The following TMPRSS6 variants were observed in gnomAD, a reference collection of about 807,000 sequenced individuals.
The protein encoded by TMPRSS6 is transmembrane protease serine 6.
TMPRSS6 carries 67 observed loss-of-function variants against 101.5 expected under a neutral mutation model. That is an observed-to-expected ratio of 0.66 (90% CI 0.54 to 0.81). The LOEUF is 0.81. TMPRSS6 is among the 30% of genes least tolerant of loss of function. The probability of loss-of-function intolerance (pLI) is 0.00; values close to 1 mark genes in which losing one functional copy is unlikely to be tolerated. For synonymous variants in TMPRSS6, 453 were observed against 464.9 expected (o/e 0.97, Z 0.33); for missense variants, 1,034 against 1,088.7 (o/e 0.95, Z 0.71).
At chr22:37,072,862 GATGGATGATGC>G (rs1489367509) in intron 13 of TMPRSS6, among the ~76,000 whole-genome samples, 18 of 145,136 alleles carry the variant, frequency 1.2e-4, no homozygotes, top group African/African-American at 4.2e-4. Flanking sequence ...ATGGATGATG[GATGGATGATGC>G]ATGGATGATG....
chr22:37,067,496 A>G (rs1307155295), intron 16 of TMPRSS6, among the ~76,000 whole-genome samples: 2 of 151,894 alleles, frequency 1.3e-5, no homozygotes, highest in African/African-American at 4.8e-5. Flanking sequence ...AAAAAGAAAA[A>G]AGCCCGTGTG....
In TMPRSS6 at chr22:37,089,613, G is replaced by T; in HGVS notation, c.801C>A (p.Asp267Glu). ...GCCTCTTCTCCAGGGGCCCGGCCACGTCATACATGGCCAGTCGGTCCCGGC... is the reference window on the plus strand; with the variant it reads ...GCCTCTTCTCCAGGGGCCCGGCCACTTCATACATGGCCAGTCGGTCCCGGC... ...AECRDRLAMY[D>E]VAGPLEKRLI... is the part of the protein sequence containing the mutation. The change falls in exon 7 of 18, where the codon GAC (aspartate) becomes GAA (glutamate). Residue 267 changes from aspartate to glutamate, a missense_variant. Physicochemically the swap from Asp to Glu is conservative, Grantham distance 45. Coordinates refer to ENST00000676104, the MANE Select transcript of TMPRSS6 (RefSeq NM_001374504.1). The T allele has an allele frequency of 6.9e-7, 1 of 1,443,596 alleles. No individual in the cohort carries two copies. Among genetic ancestry groups the T allele is most frequent in the Non-Finnish European group, 9.3e-7 (1 of 1,074,318 alleles). The allele number at this position is 1,443,596 out of a possible 1,614,324, so 89.4% of individuals were successfully genotyped here. A position where few individuals can be genotyped will look rare whatever the true frequency, so the allele number is the denominator to read the frequency against.
Position 37,103,900 on chromosome 22 carries a change from C to T in TMPRSS6, c.-1-482G>A, listed in dbSNP as rs920528278. ...CCACACAGTCCATGCACTTAGCCCC[C>T]GCCCCAGAATCCCCTGAGCTGGCAC... On this transcript the variant is annotated intron_variant, in intron 1 of 17. Transcript: ENST00000676104. The surrounding 1 kb of genome is among the most constrained non-coding windows in gnomAD (Gnocchi z 4.4). Among the ~76,000 whole-genome samples, 5 of 152,322 alleles carry T rather than the reference C, an allele frequency of 3.3e-5. No individual in the cohort carries two copies. The highest frequency in any genetic ancestry group is 7.2e-5 in the African/African-American group (3 of 41,562).
chr22:37,096,502 G>T, intron 4 of TMPRSS6, 146 bp downstream of exon 4: 1 of 854,104 alleles, frequency 1.2e-6, no homozygotes, highest in Non-Finnish European at 1.9e-6. Flanking sequence ...AAGGGAGGGT[G>T]ACATGCAGGA....
At chr22:37,092,375 A>T (rs955527928) in intron 6 of TMPRSS6, among the ~76,000 whole-genome samples, 2 of 152,122 alleles carry the variant, frequency 1.3e-5, no homozygotes, top group Non-Finnish European at 2.9e-5. Flanking sequence ...CTCAGGCTGG[A>T]GCGCAGTGAT....
rs942656606 is a variant in TMPRSS6 at position 37,069,016 on chromosome 22, A to T, written c.2113+57T>A. 2.0e-6 allele frequency: 3 copies of T among 1,529,032 alleles called. No homozygotes were observed. In the African/African-American group the frequency reaches 4.1e-5, roughly 21 times the overall value. The allele number at this position is 1,529,032 out of a possible 1,614,324, so 94.7% of individuals were successfully genotyped here. A position where few individuals can be genotyped will look rare whatever the true frequency, so the allele number is the denominator to read the frequency against. On this transcript the variant is annotated intron_variant, in intron 16 of 17. Coordinates refer to ENST00000676104, the MANE Select transcript of TMPRSS6 (RefSeq NM_001374504.1). This position sits in a 1 kb window ranked among gnomAD's most constrained non-coding sequence, Gnocchi z 4.8. ...CCCGCCCTTCTCCAGGCCAGGTGTTACGGCGCAGATCCGCACGGTCTCCCT... is the reference window on the plus strand; with the variant it reads ...CCCGCCCTTCTCCAGGCCAGGTGTTTCGGCGCAGATCCGCACGGTCTCCCT...
intron 10 of TMPRSS6, among the ~76,000 whole-genome samples, chr22:37,079,713 G>A (rs1928110013): frequency 6.6e-6 from 1 of 152,238 alleles, no homozygotes; most frequent in African/African-American, 2.4e-5. Flanking sequence ...GTAAAACAGG[G>A]GTGATCGTAT....
At position 37,103,702 on chromosome 22, in the gene TMPRSS6, G is replaced by A. The variant is rs1327067102; in HGVS notation, c.-1-284C>T. On this transcript the variant is annotated intron_variant, in intron 1 of 17. Transcript: ENST00000676104. This position sits in a 1 kb window ranked among gnomAD's most constrained non-coding sequence, Gnocchi z 4.4. ...GCTTCCCTATGGTCAGAGGACAGAC[G>A]GAGGTCTCAGTACCTAAACACCCAC... The A allele has an allele frequency of 1.7e-5, 17 of 998,492 alleles. No homozygotes were observed. The highest frequency in any genetic ancestry group is 3.2e-5 in the African/African-American group (2 of 63,070). The allele number at this position is 998,492 out of a possible 1,614,324, so 61.9% of individuals were successfully genotyped here.
chr22:37,077,728 G>A (rs1453224208), intron 10 of TMPRSS6, among the ~76,000 whole-genome samples: 1 of 152,196 alleles, frequency 6.6e-6, no homozygotes, highest in Non-Finnish European at 1.5e-5. Flanking sequence ...TTCATAGAAT[G>A]TTATTTATAT....
chr22:37,080,933 C>T (rs377046260), intron 10 of TMPRSS6, among the ~76,000 whole-genome samples: 4 of 152,390 alleles, frequency 2.6e-5, no homozygotes, highest in South Asian at 2.1e-4. Flanking sequence ...TGCACGTACA[C>T]GTGCACAGAC....
At chr22:37,071,284 G>A (rs1464007384) in intron 13 of TMPRSS6, among the ~76,000 whole-genome samples, 2 of 151,410 alleles carry the variant, frequency 1.3e-5, no homozygotes, top group East Asian at 1.9e-4. Flanking sequence ...CTGACCACAA[G>A]ATCATGCCTC....
Position 37,066,819 on chromosome 22 carries a change from G to A in TMPRSS6, c.2250+7C>T. On this transcript the variant is annotated splice_region_variant and intron_variant, in intron 17 of 17. Coordinates refer to ENST00000676104, the MANE Select transcript of TMPRSS6 (RefSeq NM_001374504.1). ...TCCTCTCTCCCTCCCATGCCCGGGG[G>A]ACTCACCTGACAGGCATCCTTCTTG... 1.9e-6 allele frequency: 3 copies of A among 1,614,150 alleles called. No homozygotes were observed. The highest frequency in any genetic ancestry group is 2.5e-6 in the Non-Finnish European group (3 of 1,180,032).
intron 10 of TMPRSS6, chr22:37,080,341 C>T (rs1336823757): frequency 6.6e-6 from 1 of 152,258 alleles, no homozygotes; most frequent in Non-Finnish European, 1.5e-5. Context: ...ATGGGGGGCC[C>T]ACCAGGCCAG....
intron 6 of TMPRSS6, among the ~76,000 whole-genome samples, chr22:37,092,810 A>T (rs5756510): frequency 0.43 from 65,418 of 152,086 alleles, 14,294 homozygotes; most frequent in African/African-American, 0.49. Flanking sequence ...CCCAAATCTG[A>T]TGCCCCCTCC....
intron 10 of TMPRSS6, among the ~76,000 whole-genome samples, chr22:37,080,853 G>A (rs1483744742): frequency 6.6e-6 from 1 of 152,276 alleles, no homozygotes; most frequent in Non-Finnish European, 1.5e-5. Context: ...CCTTGGCTGA[G>A]GGAGTCACCA....
intron 15 of TMPRSS6, among the ~76,000 whole-genome samples, 192 bp downstream of exon 15, chr22:37,070,292 A>C (rs1165034606): frequency 1.3e-5 from 2 of 152,152 alleles, no homozygotes; most frequent in Non-Finnish European, 2.9e-5. Flanking sequence ...GATGGCAGAG[A>C]GGTGGAACAA....
chr22:37,081,581 T>C (rs1417602466), intron 10 of TMPRSS6, among the ~76,000 whole-genome samples: 1 of 152,130 alleles, frequency 6.6e-6, no homozygotes, highest in Non-Finnish European at 1.5e-5. Flanking sequence ...TAGGGATCCA[T>C]GCAAACCCTG....
intron 15 of TMPRSS6, 57 bp downstream of exon 15, chr22:37,070,427 C>T (rs997880348): frequency 2.5e-6 from 4 of 1,605,618 alleles, no homozygotes; most frequent in East Asian, 4.5e-5. Context: ...GCACCTCCCA[C>T]CGGGCCTTCC....
At chr22:37,089,369 G>A (rs776793964) in intron 7 of TMPRSS6, among the ~76,000 whole-genome samples, 38 of 152,032 alleles carry the variant, frequency 2.5e-4, no homozygotes, top group Non-Finnish European at 5.0e-4. Flanking sequence ...TGGGGAAACT[G>A]AGGCTCGCGG....
Sources: allele counts gnomAD v4.1 joint callset (sites outside exome capture counted in the v4.1 genomes callset), GRCh38; gene constraint gnomAD v4.1.1; non-coding constraint Gnocchi (gnomAD v3.1); transcripts MANE v1.5; gene names NCBI Gene and HGNC (gene_info 2026-07-23, HGNC 2026-07-21).